Variants in SLC37A3 observed in about 807,000 individuals in gnomAD.
The protein encoded by SLC37A3 is solute carrier family 37 member 3.
A neutral mutation model predicts 67.1 loss-of-function variants in SLC37A3; 51 were observed. The observed-to-expected ratio is 0.76, with a 90% confidence interval of 0.61 to 0.96. SLC37A3 has a LOEUF of 0.96. Ranked by LOEUF, SLC37A3 falls within the 40% of genes least tolerant of loss-of-function variation. The probability of loss-of-function intolerance (pLI) is 0.00; values close to 1 mark genes in which losing one functional copy is unlikely to be tolerated. For synonymous variants in SLC37A3, 214 were observed against 231.4 expected (o/e 0.92, Z 0.68); for missense variants, 508 against 603.0 (o/e 0.84, Z 1.65).
rs936731078 is a variant in SLC37A3 at position 140,366,064 on chromosome 7, A to C, written c.292-1573T>G. ...GCAATTCTCCTGCCGTAGCCTCCCG[A>C]GTAGCTGGGACTACAGGCCTGCCAA... On this transcript the variant is annotated intron_variant, in intron 4 of 14. Transcript: ENST00000326232. Among the ~76,000 whole-genome samples the C allele has an allele frequency of 2.3e-4, 35 of 150,424 alleles. 1 individual carries two copies. The highest frequency in any genetic ancestry group is 4.3e-4 in the Non-Finnish European group (29 of 67,848).
rs191696675 is a variant in SLC37A3, at chr7:140,395,758, G to A, written c.-71+2658C>T. Among the ~76,000 whole-genome samples, 218 of 152,080 alleles carry A rather than the reference G, an allele frequency of 1.4e-3. 1 individual carries two copies. Among genetic ancestry groups the A allele is most frequent in the Admixed American group, 3.9e-3 (59 of 15,228 alleles). On this transcript the variant is annotated intron_variant, in intron 1 of 14. Transcript: ENST00000326232. ...AAGAACTAGCACACCTAAACTCAGA[G>A]GTATATACCAAGGATGGGGAAAAAA...
intron 3 of SLC37A3, chr7:140,370,533 T>C (rs1797779815): frequency 6.6e-6 from 1 of 152,164 alleles, no homozygotes; most frequent in Admixed American, 6.6e-5. Flanking sequence ...GGAGAAATTA[T>C]GTCTAACTCC....
At chr7:140,337,241 A>T in intron 14 of SLC37A3, 43 bp downstream of exon 14, 1 of 1,487,342 alleles carries the variant, frequency 6.7e-7, no homozygotes, top group Non-Finnish European at 9.0e-7. Flanking sequence ...AACTTAATTA[A>T]CAGAAAAATG....
chr7:140,390,617 G>A (rs939648045), intron 1 of SLC37A3, among the ~76,000 whole-genome samples: 3 of 151,958 alleles, frequency 2.0e-5, no homozygotes, highest in African/African-American at 4.8e-5. Context: ...TCGCACTCCC[G>A]TCCCATGGTC....
chr7:140,354,741 T>G (rs1291775070), intron 7 of SLC37A3, among the ~76,000 whole-genome samples: 7 of 92,262 alleles, frequency 7.6e-5, no homozygotes, highest in South Asian at 4.1e-4. Flanking sequence ...CTTTTTGGTG[T>G]TTTTTTTTTT....
chr7:140,379,671 T>C (rs1460343749), intron 3 of SLC37A3, among the ~76,000 whole-genome samples: 4 of 151,464 alleles, frequency 2.6e-5, no homozygotes, highest in African/African-American at 7.3e-5. Context: ...GGCGGGTGGA[T>C]TGCTTGAGCT....
chr7:140,355,159 C>T (rs909948867), intron 7 of SLC37A3, among the ~76,000 whole-genome samples: 1 of 151,466 alleles, frequency 6.6e-6, no homozygotes, highest in African/African-American at 2.4e-5. Flanking sequence ...TTGAATATAT[C>T]AGAAGTTTAT....
chr7:140,371,568 T>G (rs540605585), intron 3 of SLC37A3, among the ~76,000 whole-genome samples: 2 of 152,316 alleles, frequency 1.3e-5, no homozygotes, highest in Admixed American at 6.5e-5. Flanking sequence ...TAAAATTCCT[T>G]TAGAATAAGA....
intron 5 of SLC37A3, 30 bp downstream of exon 5, chr7:140,364,378 A>AAAT (rs756802270): frequency 1.3e-6 from 2 of 1,592,544 alleles, no homozygotes; most frequent in African/African-American, 1.4e-5. Flanking sequence ...TACCTGACCA[A>AAAT]AATAATAATA....
At chr7:140,365,918 G>GTTT (rs1797578938) in intron 4 of SLC37A3, among the ~76,000 whole-genome samples, 2 of 77,234 alleles carry the variant, frequency 2.6e-5, no homozygotes, top group Non-Finnish European at 4.8e-5. Context: ...AACAATACAT[G>GTTT]CTTTTTTTTT....
intron 6 of SLC37A3, among the ~76,000 whole-genome samples, chr7:140,356,196 A>G (rs12534527): frequency 0.24 from 15,220 of 63,332 alleles, 1,142 homozygotes; most frequent in East Asian, 0.52. Context: ...TCCACCTCCC[A>G]AAAAAAAAAA....
At chr7:140,343,898 C>T (rs1374769460) in intron 12 of SLC37A3, 1 of 266,934 alleles carries the variant, frequency 3.7e-6, no homozygotes, top group Non-Finnish European at 7.2e-6. Flanking sequence ...GTAGTTGCAT[C>T]ATATGATCAT....
chr7:140,364,511 T>A lies in SLC37A3; in HGVS notation c.292-20A>T. 1 of 1,609,080 alleles carries A rather than the reference T, an allele frequency of 6.2e-7. No homozygotes were observed. Among genetic ancestry groups the A allele is most frequent in the Non-Finnish European group, 8.5e-7 (1 of 1,176,606 alleles). On this transcript the variant is annotated intron_variant, in intron 4 of 14. Transcript: ENST00000326232. ...TAGGCCCTAAAAATAAAGCATTTTC[T>A]TTTACAGCTCTAAATAATAACACAG... is the stretch of plus-strand genomic sequence containing the variant.
intron 13 of SLC37A3, among the ~76,000 whole-genome samples, chr7:140,339,768 A>C (rs1239930160): frequency 1.4e-5 from 2 of 139,604 alleles, no homozygotes; most frequent in Non-Finnish European, 3.2e-5. Flanking sequence ...ATGGAGTCTC[A>C]CTCTGTCACC....
At chr7:140,358,619 G>A (rs1199448622) in intron 6 of SLC37A3, 21 bp downstream of exon 6, 1 of 1,613,252 alleles carries the variant, frequency 6.2e-7, no homozygotes, top group Non-Finnish European at 8.5e-7. Context: ...AGAGAAATTA[G>A]AGAGGAAGGA....
chr7:140,337,078 AAC>A (rs1231205013), intron 14 of SLC37A3, among the ~76,000 whole-genome samples: 1 of 147,174 alleles, frequency 6.8e-6, no homozygotes, highest in African/African-American at 2.5e-5. Flanking sequence ...CAGCCTGGGC[AAC>A]AGAGCGAGAC....
chr7:140,348,844 C>T, intron 9 of SLC37A3, 77 bp from the exon 10 acceptor site: 7 of 1,544,394 alleles, frequency 4.5e-6, no homozygotes, highest in Non-Finnish European at 6.1e-6. Context: ...CATTTAAAAG[C>T]AAAACAAAAT....
At chr7:140,362,418 T>G (rs1310129451) in intron 5 of SLC37A3, among the ~76,000 whole-genome samples, 9 of 102,718 alleles carry the variant, frequency 8.8e-5, no homozygotes, top group Admixed American at 1.8e-4. Flanking sequence ...GGGAGGGAGG[T>G]GGGGGGGGGG....
intron 10 of SLC37A3, chr7:140,348,319 AAG>A (rs1796650372): frequency 4.7e-6 from 1 of 213,420 alleles, no homozygotes; most frequent in Non-Finnish European, 9.1e-6. Context: ...ATTGCATTTA[AAG>A]AGATTCCCAT....
Sources: allele counts gnomAD v4.1 joint callset (sites outside exome capture counted in the v4.1 genomes callset), GRCh38; gene constraint gnomAD v4.1.1; transcripts MANE v1.5; gene names NCBI Gene and HGNC (gene_info 2026-07-23, HGNC 2026-07-21).